Variants in ADAMTS4 observed in about 807,000 individuals in gnomAD.
The protein encoded by ADAMTS4 is A disintegrin and metalloproteinase with thrombospondin motifs 4.
A neutral mutation model predicts 66.7 loss-of-function variants in ADAMTS4; 38 were observed. That is an observed-to-expected ratio of 0.57 (90% CI 0.44 to 0.75). The LOEUF (loss-of-function observed/expected upper bound fraction) is 0.75, where lower values mean the gene tolerates loss of function less well. Ranked by LOEUF, ADAMTS4 falls within the 30% of genes least tolerant of loss-of-function variation. The pLI, the probability that ADAMTS4 is intolerant of heterozygous loss-of-function variation, is 0.00. For synonymous variants in ADAMTS4, 418 were observed against 461.5 expected, an observed-to-expected ratio of 0.91 and a Z score of 1.21; for missense variants, 1,014 against 1,116.7, an observed-to-expected ratio of 0.91 and a Z score of 1.31.
Position 161,187,029 on chromosome 1 carries a change from T to C in ADAMTS4, c.*4109A>G, listed in dbSNP as rs1664557545. The stretch of plus-strand genomic sequence containing the variant: ...AAAAAAAGTGTATCTCCATGAACAT[T>C]AAAGGAAAGTGAGAAGGGCTATCAT... On this transcript the variant is annotated 3_prime_UTR_variant, in exon 9 of 9. Transcript: ENST00000367996. The C allele has an allele frequency of 6.6e-6, 1 of 151,994 alleles. No individual in the cohort carries two copies. Among genetic ancestry groups the C allele is most frequent in the African/African-American group, 2.4e-5 (1 of 41,370 alleles). The allele number at this position is 151,994 out of a possible 1,614,324, so 9.4% of individuals were successfully genotyped here.
Position 161,198,857 on chromosome 1 carries a change from C to A in ADAMTS4, c.-230G>T. The A allele has an allele frequency of 2.1e-6, 1 of 465,354 alleles. No homozygotes were observed. Among genetic ancestry groups the A allele is most frequent in the Non-Finnish European group, 3.8e-6 (1 of 264,840 alleles). The allele number at this position is 465,354 out of a possible 1,614,324, so 28.8% of individuals were successfully genotyped here. On this transcript the variant is annotated 5_prime_UTR_variant, in exon 1 of 9. Coordinates refer to ENST00000367996, the MANE Select transcript of ADAMTS4 (RefSeq NM_005099.6). This position sits in a 1 kb window ranked among gnomAD's most constrained non-coding sequence, Gnocchi z 4.7. ...GCTTCTCCAAACTCTCCTCCTGAGC[C>A]CTCCTTTCCTGGATCTTTGTCTCTC...
Position 161,196,809 on chromosome 1 carries a change from A to C in ADAMTS4, c.705T>G (p.Gly235=), listed in dbSNP as rs997645411. ...VADDKMAAFH[G]AGLKRYLLTV... ...TTAGCAGGTAGCGCTTTAGCCCCGC[A>C]CCGTGGAATGCGGCCATCTTGTCAT... Residue 235 remains glycine, a synonymous_variant, in exon 2 of 9, where the codon GGT becomes GGG. Coordinates refer to ENST00000367996, the MANE Select transcript of ADAMTS4 (RefSeq NM_005099.6). The C allele has an allele frequency of 4.3e-6, 7 of 1,611,404 alleles. No individual in the cohort carries two copies. Among genetic ancestry groups the C allele is most frequent in the Admixed American group, 1.7e-5 (1 of 60,002 alleles).
At position 161,193,742 on chromosome 1, in the gene ADAMTS4, G is replaced by C; in HGVS notation, c.1633C>G (p.Arg545Gly). 6.2e-7 allele frequency: 1 copy of C among 1,614,068 alleles called. No individual in the cohort carries two copies. Among genetic ancestry groups the C allele is most frequent in the Non-Finnish European group, 8.5e-7 (1 of 1,179,990 alleles). The change falls in exon 6 of 9, where the codon CGA becomes GGA. Residue 545 changes from arginine (R) to glycine (G), a missense_variant. Arg to Gly is a moderately radical substitution (Grantham distance 125, BLOSUM62 -2). Transcript: ENST00000367996. This position sits in a 1 kb window ranked among gnomAD's most constrained non-coding sequence, Gnocchi z 4.4. Reference sequence around the variant, plus strand: ...CGGGGGACAGGCCTCGTGCAGTCTCGGGAGGAGAACTGGACACCACCCCCA... The same window carrying C: ...CGGGGGACAGGCCTCGTGCAGTCTCCGGAGGAGAACTGGACACCACCCCCA... ...TCGGGVQFSSRDCTRPVPRNG... is the reference protein window; with the variant it reads ...TCGGGVQFSSGDCTRPVPRNG...
intron 8 of ADAMTS4, among the ~76,000 whole-genome samples, 161 bp downstream of exon 8, chr1:161,191,904 C>T (rs1339221919): frequency 6.6e-6 from 1 of 152,230 alleles, no homozygotes; most frequent in Non-Finnish European, 1.5e-5. Context: ...CCTGTTCCAA[C>T]TTCGGATGAA....
At position 161,193,386 on chromosome 1, in the gene ADAMTS4, G is replaced by C; in HGVS notation, c.1738C>G (p.Leu580Val). ...GCACACTGCTCCTCGCGGAAGGTCA[G>C]GGCTGGAGGGGTAAAACAGTCAGAG... ...NTEDCPTGSA[L>V]TFREEQCAAY... is the part of the protein sequence containing the mutation. Residue 580 changes from leucine to valine, a missense_variant and splice_region_variant, in exon 7 of 9, where the codon CTG becomes GTG. Leu to Val is a conservative substitution (Grantham distance 32). Transcript: ENST00000367996. This position sits in a 1 kb window ranked among gnomAD's most constrained non-coding sequence, Gnocchi z 4.4. The C allele has an allele frequency of 6.2e-7, 1 of 1,612,958 alleles. No homozygotes were observed. Among genetic ancestry groups the C allele is most frequent in the Non-Finnish European group, 8.5e-7 (1 of 1,179,430 alleles).
chr1:161,196,842 C>T lies in ADAMTS4; in HGVS notation c.672G>A (p.Val224=). 2 of 1,607,900 alleles carry T rather than the reference C, an allele frequency of 1.2e-6. No individual in the cohort carries two copies. Among genetic ancestry groups the T allele is most frequent in the Non-Finnish European group, 1.7e-6 (2 of 1,179,452 alleles). ...ASLSRFVETL[V]VADDKMAAFH... ...ATGCGGCCATCTTGTCATCTGCCAC[C>T]ACCAGTGTCTCCACAAATCTACTCA... The change falls in exon 2 of 9, where the codon GTG becomes GTA. Residue 224 remains valine, a synonymous_variant. Transcript: ENST00000367996.
chr1:161,195,659 G>C, intron 3 of ADAMTS4, 24 bp from the exon 4 acceptor site: 1 of 1,589,896 alleles, frequency 6.3e-7, no homozygotes, highest in Non-Finnish European at 8.6e-7. Flanking sequence ...GGCCCTGATA[G>C]GATCTGAGGG....
Position 161,191,154 on chromosome 1 carries a change from CA to C in ADAMTS4, c.2497del (p.Trp833GlyfsTer35). The C allele has an allele frequency of 6.4e-7, 1 of 1,558,540 alleles. No homozygotes were observed. The highest frequency in any genetic ancestry group is 8.7e-7 in the Non-Finnish European group (1 of 1,147,048). Reference sequence around the variant, plus strand: ...ATAGTGAGGTTATTTCCTGCCCGCCCAGGGGCGCCGCCGAAGGATCTCCAGA... The same window carrying C: ...ATAGTGAGGTTATTTCCTGCCCGCCCGGGGCGCCGCCGAAGGATCTCCAGA... ...QILEILRRRP[W>X]AGRK On this transcript the variant is annotated frameshift_variant, in exon 9 of 9. Coordinates refer to ENST00000367996, the MANE Select transcript of ADAMTS4 (RefSeq NM_005099.6). LOFTEE classifies it high-confidence loss of function.
Position 161,194,410 on chromosome 1 carries a change from GAC to G in ADAMTS4, c.1262-191_1262-190del, listed in dbSNP as rs1664765318. 6.7e-6 allele frequency among the ~76,000 whole-genome samples: 1 copy of G among 148,176 alleles called. No individual in the cohort carries two copies. Among genetic ancestry groups the G allele is most frequent in the Admixed American group, 6.7e-5 (1 of 14,898 alleles). On this transcript the variant is annotated intron_variant, in intron 4 of 8. Transcript: ENST00000367996. This position sits in a 1 kb window ranked among gnomAD's most constrained non-coding sequence, Gnocchi z 4.1. ...ACTTACTTTTTTTTTTTTTTCCTGA[GAC>G]AGAGTCTTGCTCTGTCGCTCAGGCT... is the stretch of plus-strand genomic sequence containing the variant.
At position 161,198,363 on chromosome 1, in the gene ADAMTS4, C is replaced by T. The variant is rs1466220894; in HGVS notation, c.265G>A (p.Gly89Arg). 1 of 1,613,060 alleles carries T rather than the reference C, an allele frequency of 6.2e-7. No individual in the cohort carries two copies. The highest frequency in any genetic ancestry group is 1.1e-5 in the South Asian group (1 of 91,028). The change falls in exon 1 of 9, where the codon GGG (glycine) becomes AGG (arginine). Residue 89 changes from glycine to arginine, a missense_variant. Gly to Arg is a moderately radical substitution (Grantham distance 125). Coordinates refer to ENST00000367996, the MANE Select transcript of ADAMTS4 (RefSeq NM_005099.6). This position sits in a 1 kb window ranked among gnomAD's most constrained non-coding sequence, Gnocchi z 4.7. The part of the protein sequence containing the change: ...ARLLCRLQAF[G>R]ETLLLELEQD... ...TCCAGCTCTAGTAGCAGCGTCTCCC[C>T]AAAGGCCTGCAAGCGGCACAACAGC...
rs1664596932 is a variant in ADAMTS4, at chr1:161,188,887, T to TATATATATATATATATATATAA, written c.*2250_*2251insTTATATATATATATATATATAT. 8.5e-6 allele frequency: 1 copy of TATATATATATATATATATATAA among 117,684 alleles called. No individual in the cohort carries two copies. Among genetic ancestry groups the TATATATATATATATATATATAA allele is most frequent in the Non-Finnish European group, 1.7e-5 (1 of 58,084 alleles). 7.3% of individuals were successfully genotyped at this position (117,684 alleles called of 1,614,324 possible). A position where few individuals can be genotyped will look rare whatever the true frequency, so the allele number is the denominator to read the frequency against. The stretch of plus-strand genomic sequence containing the variant: ...CACCTGTCACCATGCCCGGCTAATA[T>TATATATATATATATATATATAA]ATATATATATATATATATATATTTT... On this transcript the variant is annotated 3_prime_UTR_variant, in exon 9 of 9. Coordinates refer to ENST00000367996, the MANE Select transcript of ADAMTS4 (RefSeq NM_005099.6).
chr1:161,198,339 C>G lies in ADAMTS4; in HGVS notation c.289G>C (p.Glu97Gln). Residue 97 changes from glutamate (E) to glutamine (Q), a missense_variant, in exon 1 of 9, where the codon GAG (glutamate) becomes CAG (glutamine). By Grantham distance (29) the Glu-to-Gln change is conservative (BLOSUM62 2). Transcript: ENST00000367996. This position sits in a 1 kb window ranked among gnomAD's most constrained non-coding sequence, Gnocchi z 4.7. ...TCGACCTGCACACCGGAGTCCTGCTCCAGCTCTAGTAGCAGCGTCTCCCCA... is the reference window on the plus strand; with the variant it reads ...TCGACCTGCACACCGGAGTCCTGCTGCAGCTCTAGTAGCAGCGTCTCCCCA... Reference protein sequence around the residue: ...AFGETLLLELEQDSGVQVEGL... With the variant: ...AFGETLLLELQQDSGVQVEGL... 6.2e-7 allele frequency: 1 copy of G among 1,613,372 alleles called. No individual in the cohort carries two copies. Among genetic ancestry groups the G allele is most frequent in the Non-Finnish European group, 8.5e-7 (1 of 1,180,002 alleles).
intron 8 of ADAMTS4, 45 bp downstream of exon 8, chr1:161,192,020 C>A (rs113500169): frequency 6.3e-7 from 1 of 1,595,048 alleles, no homozygotes; most frequent in South Asian, 1.1e-5. Context: ...TCACTAGGAC[C>A]CAGAATGTCC....
rs1485213425 is a variant in ADAMTS4, at chr1:161,191,119, G to C, written c.*19C>G. The C allele has an allele frequency of 6.6e-7, 1 of 1,523,648 alleles. No homozygotes were observed. Among genetic ancestry groups the C allele is most frequent in the East Asian group, 2.3e-5 (1 of 44,050 alleles). 94.4% of individuals were successfully genotyped at this position (1,523,648 alleles called of 1,614,324 possible). On this transcript the variant is annotated 3_prime_UTR_variant, in exon 9 of 9. Transcript: ENST00000367996. The stretch of plus-strand genomic sequence containing the variant: ...GTCCGAGGCCCCGGTGCCCAGAAAG[G>C]GCAGCCGGGATAGTGAGGTTATTTC...
Position 161,198,731 on chromosome 1 carries a change from C to A in ADAMTS4, c.-104G>T, listed in dbSNP as rs916216377. 3.5e-6 allele frequency: 4 copies of A among 1,142,538 alleles called. No individual in the cohort carries two copies. In the South Asian group the frequency reaches 5.1e-5, roughly 15 times the overall value. The allele number at this position is 1,142,538 out of a possible 1,614,324, so 70.8% of individuals were successfully genotyped here. On this transcript the variant is annotated 5_prime_UTR_variant, in exon 1 of 9. Coordinates refer to ENST00000367996, the MANE Select transcript of ADAMTS4 (RefSeq NM_005099.6). The surrounding 1 kb of genome is among the most constrained non-coding windows in gnomAD (Gnocchi z 4.7). ...TCTCTGTAGCCTGGGGGCTTGGACT[C>A]CTGCCAAGGTCAGAGGCAAAGTTTT...
rs1005208702 is a variant in ADAMTS4 at position 161,190,638 on chromosome 1, G to A, written c.*500C>T. On this transcript the variant is annotated 3_prime_UTR_variant, in exon 9 of 9. Coordinates refer to ENST00000367996, the MANE Select transcript of ADAMTS4 (RefSeq NM_005099.6). ...ATTCAGGAAGAGGAAAGCAGAACAG[G>A]TTGTACCTCATACATAAGCACACAC... 6.5e-6 allele frequency: 1 copy of A among 152,700 alleles called. No homozygotes were observed. Among genetic ancestry groups the A allele is most frequent in the South Asian group, 2.1e-4 (1 of 4,804 alleles). 9.5% of individuals were successfully genotyped at this position (152,700 alleles called of 1,614,324 possible).
chr1:161,188,648 T>C lies in ADAMTS4; in HGVS notation c.*2490A>G, dbSNP rs2102008551. On this transcript the variant is annotated 3_prime_UTR_variant, in exon 9 of 9. Transcript: ENST00000367996. ...GCCATTTTGAGGCACCTGGCTCCCT[T>C]ACCTCAGATCCTTTTCCAGGTTATT... The C allele has an allele frequency of 6.6e-6, 1 of 151,810 alleles. No individual in the cohort carries two copies. Among genetic ancestry groups the C allele is most frequent in the African/African-American group, 2.4e-5 (1 of 41,430 alleles). 9.4% of individuals were successfully genotyped at this position (151,810 alleles called of 1,614,324 possible).
rs747062210 is a variant in ADAMTS4, at chr1:161,196,178, A to C, written c.1083T>G (p.His361Gln). ...CATCCACCCCTACTTTACCCAGTTC[A>C]TGAGCAGCAGTGAAGGCTGACTGGA... The part of the protein sequence containing the change: ...DGLQSAFTAA[H>Q]ELGHVFNMLH... Residue 361 changes from histidine (H) to glutamine (Q), a missense_variant, in exon 3 of 9, where the codon CAT (histidine) becomes CAG (glutamine). His to Gln is a conservative substitution (Grantham distance 24, BLOSUM62 0). Transcript: ENST00000367996. The C allele has an allele frequency of 6.2e-7, 1 of 1,600,796 alleles. No homozygotes were observed. The highest frequency in any genetic ancestry group is 8.5e-7 in the Non-Finnish European group (1 of 1,174,362).
chr1:161,191,947 G>A lies in ADAMTS4; in HGVS notation c.2087+118C>T, dbSNP rs116393628. The A allele has an allele frequency of 5.3e-4, 668 of 1,261,374 alleles. No individual in the cohort carries two copies. In the African/African-American group the frequency reaches 7.3e-3, roughly 14 times the overall value. 78.1% of individuals were successfully genotyped at this position (1,261,374 alleles called of 1,614,324 possible). ...GAAACCGCACTGTAGCTGCCTACTC[G>A]TCTATCTCCCGCTAGACTGTGAGCT... On this transcript the variant is annotated intron_variant, in intron 8 of 8. Transcript: ENST00000367996.
Sources: gnomAD v4.1 joint callset for allele counts (sites outside exome capture counted in the v4.1 genomes callset) on GRCh38, gnomAD v4.1.1 for gene constraint, Gnocchi (gnomAD v3.1) non-coding constraint, MANE v1.5 for transcripts, NCBI Gene and HGNC (gene_info 2026-07-23, HGNC 2026-07-21) for gene names.